FZR1: variants seen among roughly 807,000 people sequenced by gnomAD.
The protein encoded by FZR1 is fizzy and cell division cycle 20 related 1.
FZR1 carries 11 observed loss-of-function variants against 63.6 expected under a neutral mutation model. The ratio of observed to expected loss-of-function variants is 0.17; its 90% CI spans 0.11 to 0.29. FZR1 has a LOEUF of 0.29. FZR1 is among the 10% of genes least tolerant of loss of function. The probability of loss-of-function intolerance (pLI) is 1.00; values close to 1 mark genes in which losing one functional copy is unlikely to be tolerated. For missense variants in FZR1, 440 were observed against 687.5 expected, an observed-to-expected ratio of 0.64 and a Z score of 4.03; for synonymous variants, 328 against 297.9, an observed-to-expected ratio of 1.10 and a Z score of -1.04.
At position 3,515,498 on chromosome 19, in the gene FZR1, G is replaced by A. The variant is rs1263518319; in HGVS notation, c.-34-7458G>A. 1.3e-5 allele frequency among the ~76,000 whole-genome samples: 2 copies of A among 152,178 alleles called. No homozygotes were observed. Among genetic ancestry groups the A allele is most frequent in the Non-Finnish European group, 2.9e-5 (2 of 68,026 alleles). Reference sequence around the variant, plus strand: ...ATTCTAGAAGTACAGGCCGGGCGCGGTGGCTCACGCTTGTAATCCCAGCAC... The same window carrying A: ...ATTCTAGAAGTACAGGCCGGGCGCGATGGCTCACGCTTGTAATCCCAGCAC... On this transcript the variant is annotated intron_variant, in intron 1 of 13. Coordinates refer to ENST00000441788, the MANE Select transcript of FZR1 (RefSeq NM_016263.4). The surrounding 1 kb of genome is among the most constrained non-coding windows in gnomAD (Gnocchi z 4.6).
At chr19:3,519,085 G>T (rs566191785) in intron 1 of FZR1, among the ~76,000 whole-genome samples, 1 of 152,238 alleles carries the variant, frequency 6.6e-6, no homozygotes. Flanking sequence ...GTCAGGGGCC[G>T]TGGGGGCACA....
At position 3,515,281 on chromosome 19, in the gene FZR1, T is replaced by C. The variant is rs1358193169; in HGVS notation, c.-34-7675T>C. On this transcript the variant is annotated intron_variant, in intron 1 of 13. Coordinates refer to ENST00000441788, the MANE Select transcript of FZR1 (RefSeq NM_016263.4). This position sits in a 1 kb window ranked among gnomAD's most constrained non-coding sequence, Gnocchi z 4.6. ...TTTCCACACGGCCACACACGTTGTC[T>C]GTGCTCAGGAATTACTTAACAGCAG... 6.6e-6 allele frequency among the ~76,000 whole-genome samples: 1 copy of C among 152,270 alleles called. No individual in the cohort carries two copies. The highest frequency in any genetic ancestry group is 1.5e-5 in the Non-Finnish European group (1 of 68,046).
chr19:3,511,322 G>GC (rs921068081), intron 1 of FZR1, among the ~76,000 whole-genome samples: 5 of 152,210 alleles, frequency 3.3e-5, no homozygotes, highest in African/African-American at 1.2e-4. Flanking sequence ...GGTGGGAGCT[G>GC]CCCCCCACAC....
intron 1 of FZR1, among the ~76,000 whole-genome samples, chr19:3,521,854 CTTTTT>C (rs752626707): frequency 1.1e-3 from 153 of 139,598 alleles, no homozygotes; most frequent in African/African-American, 4.0e-3. Flanking sequence ...AATTTTTTCA[CTTTTT>C]TTTTTTTTTT....
rs112080338 is a variant in FZR1 at position 3,526,787 on chromosome 19, C to T, written c.388-193C>T. Reference sequence around the variant, plus strand: ...CACACGGAGCCTGGCTTGGGTCCCTCGAGAGAGGGCGGGAGGGGTGGGGGG... The same window carrying T: ...CACACGGAGCCTGGCTTGGGTCCCTTGAGAGAGGGCGGGAGGGGTGGGGGG... On this transcript the variant is annotated intron_variant, in intron 5 of 13. Transcript: ENST00000441788. This position sits in a 1 kb window ranked among gnomAD's most constrained non-coding sequence, Gnocchi z 5.4. Among the ~76,000 whole-genome samples, 1 of 145,638 alleles carries T rather than the reference C, an allele frequency of 6.9e-6. No homozygotes were observed. The highest frequency in any genetic ancestry group is 1.5e-5 in the Non-Finnish European group (1 of 66,044).
chr19:3,525,763 C>T lies in FZR1; in HGVS notation c.70-105C>T. On this transcript the variant is annotated intron_variant, in intron 2 of 13. Coordinates refer to ENST00000441788, the MANE Select transcript of FZR1 (RefSeq NM_016263.4). The surrounding 1 kb of genome is among the most constrained non-coding windows in gnomAD (Gnocchi z 4.2). ...GGCCCACCCCTTGGGTTTTCAAGAT[C>T]AAAGCCCCCTTTGCTCAGTGGCCAG... is the stretch of plus-strand genomic sequence containing the variant. The T allele has an allele frequency of 7.1e-7, 1 of 1,403,046 alleles. No homozygotes were observed. The highest frequency in any genetic ancestry group is 9.7e-7 in the Non-Finnish European group (1 of 1,033,598). 86.9% of individuals were successfully genotyped at this position (1,403,046 alleles called of 1,614,324 possible). A position where few individuals can be genotyped will look rare whatever the true frequency, so the allele number is the denominator to read the frequency against.
At chr19:3,532,910 A>T (rs1314757382) in intron 11 of FZR1, among the ~76,000 whole-genome samples, 4 of 151,754 alleles carry the variant, frequency 2.6e-5, no homozygotes, top group Admixed American at 2.6e-4. Flanking sequence ...GGAGCCGGGG[A>T]GCTCCTATGG....
rs907239630 is a variant in FZR1 at position 3,528,685 on chromosome 19, G to A, written c.654+871G>A. Among the ~76,000 whole-genome samples the A allele has an allele frequency of 1.7e-4, 25 of 150,018 alleles. 1 individual carries two copies. The highest frequency in any genetic ancestry group is 6.1e-4 in the African/African-American group (25 of 40,882). On this transcript the variant is annotated intron_variant, in intron 7 of 13. Coordinates refer to ENST00000441788, the MANE Select transcript of FZR1 (RefSeq NM_016263.4). ...AGAATGGATGAGAGAGTGGATGGGT[G>A]AGCGGATGAGAGAGTGGATGGGTGA...
intron 13 of FZR1, 137 bp from the exon 14 acceptor site, chr19:3,534,658 G>T: frequency 1.1e-6 from 1 of 911,994 alleles, no homozygotes; most frequent in Non-Finnish European, 1.8e-6. Flanking sequence ...TCATGTGTCG[G>T]GGCAGTGTGG....
chr19:3,534,871 C>A lies in FZR1; in HGVS notation c.*35C>A, dbSNP rs1281140492. 1.3e-6 allele frequency: 2 copies of A among 1,576,816 alleles called. No individual in the cohort carries two copies. The highest frequency in any genetic ancestry group is 1.1e-5 in the South Asian group (1 of 90,362). On this transcript the variant is annotated 3_prime_UTR_variant, in exon 14 of 14. Coordinates refer to ENST00000441788, the MANE Select transcript of FZR1 (RefSeq NM_016263.4). ...GCAGGACCGTGCCACACCAGCTGTC[C>A]AGAGTCGGAGGACCCCAGCTCCTCA...
intron 1 of FZR1, among the ~76,000 whole-genome samples, chr19:3,508,122 G>T (rs2082998655): frequency 6.6e-6 from 1 of 151,966 alleles, no homozygotes; most frequent in Non-Finnish European, 1.5e-5. Context: ...GGTTGGGGTG[G>T]GGCTTTGGGG....
In FZR1 at chr19:3,533,291, C is replaced by T. The variant is rs1156620588; in HGVS notation, c.1243-3C>T. 6.3e-7 allele frequency: 1 copy of T among 1,597,518 alleles called. No individual in the cohort carries two copies. The highest frequency in any genetic ancestry group is 8.6e-7 in the Non-Finnish European group (1 of 1,166,136). ...CGACCGCAGCGCCCCCTCCGCCCTCCAGGTGAGCACGCACGGCTACTCACA... is the reference window on the plus strand; with the variant it reads ...CGACCGCAGCGCCCCCTCCGCCCTCTAGGTGAGCACGCACGGCTACTCACA... On this transcript the variant is annotated splice_region_variant and splice_polypyrimidine_tract_variant and intron_variant, in intron 11 of 13. Coordinates refer to ENST00000441788, the MANE Select transcript of FZR1 (RefSeq NM_016263.4). This position sits in a 1 kb window ranked among gnomAD's most constrained non-coding sequence, Gnocchi z 4.9.
chr19:3,512,011 C>A (rs761457853), intron 1 of FZR1, among the ~76,000 whole-genome samples: 51 of 152,276 alleles, frequency 3.3e-4, no homozygotes, highest in Middle Eastern at 3.4e-3. Flanking sequence ...CTGTGTCAGT[C>A]CACCCCTGCA....
intron 1 of FZR1, among the ~76,000 whole-genome samples, chr19:3,520,360 G>T (rs1184520876): frequency 6.6e-6 from 1 of 152,162 alleles, no homozygotes; most frequent in Non-Finnish European, 1.5e-5. Context: ...AGAGCTGCTG[G>T]CCATTGCTCT....
chr19:3,525,851 C>G lies in FZR1; in HGVS notation c.70-17C>G. 1 of 1,609,058 alleles carries G rather than the reference C, an allele frequency of 6.2e-7. No individual in the cohort carries two copies. The highest frequency in any genetic ancestry group is 8.5e-7 in the Non-Finnish European group (1 of 1,179,656). On this transcript the variant is annotated splice_polypyrimidine_tract_variant and intron_variant, in intron 2 of 13. Coordinates refer to ENST00000441788, the MANE Select transcript of FZR1 (RefSeq NM_016263.4). The surrounding 1 kb of genome is among the most constrained non-coding windows in gnomAD (Gnocchi z 4.2). ...GCTCTCGGTGCTGAGAGCAAGCCCT[C>G]TGCTGATGCCCTTCAGGTCACAGAG...
chr19:3,535,126 T>C lies in FZR1; in HGVS notation c.*290T>C. ...CGGTCCCGGCTCAGACCGTCTGTAC[T>C]CAGAGCGACGGATGCCCCCTGGGAC... On this transcript the variant is annotated 3_prime_UTR_variant, in exon 14 of 14. Transcript: ENST00000441788. The C allele has an allele frequency of 2.1e-6, 1 of 487,398 alleles. No homozygotes were observed. Among genetic ancestry groups the C allele is most frequent in the Non-Finnish European group, 3.7e-6 (1 of 267,880 alleles). 30.2% of individuals were successfully genotyped at this position (487,398 alleles called of 1,614,324 possible). A position where few individuals can be genotyped will look rare whatever the true frequency, so the allele number is the denominator to read the frequency against.
Position 3,532,590 on chromosome 19 carries a change from G to C in FZR1, c.1182G>C (p.Gln394His), listed in dbSNP as rs1437032816. The change falls in exon 11 of 14, where the codon CAG (glutamine) becomes CAC (histidine). Residue 394 changes from glutamine (Q) to histidine (H), a missense_variant. Gln to His is a conservative substitution (Grantham distance 24, BLOSUM62 0). Coordinates refer to ENST00000441788, the MANE Select transcript of FZR1 (RefSeq NM_016263.4). ...FWNTLTGQPLQCIDTGSQVCN... is the reference protein window; with the variant it reads ...FWNTLTGQPLHCIDTGSQVCN... ...ACACGCTGACAGGACAACCACTGCA[G>C]TGTATCGACACGGGCTCCCAAGTGT... The C allele has an allele frequency of 4.3e-6, 7 of 1,612,800 alleles. No individual in the cohort carries two copies. The highest frequency in any genetic ancestry group is 1.3e-5 in the African/African-American group (1 of 75,054).
rs1229547130 is a variant in FZR1 at position 3,526,451 on chromosome 19, C to T, written c.387+65C>T. 16 of 1,367,922 alleles carry T rather than the reference C, an allele frequency of 1.2e-5. No individual in the cohort carries two copies. Among genetic ancestry groups the T allele is most frequent in the Non-Finnish European group, 1.5e-5 (15 of 998,984 alleles). The allele number at this position is 1,367,922 out of a possible 1,614,324, so 84.7% of individuals were successfully genotyped here. The stretch of plus-strand genomic sequence containing the variant: ...GTGCAGCCTCCCCGGCCCCCCACCT[C>T]CCAGGCACCAGCTCTGCCTCCCCGA... On this transcript the variant is annotated intron_variant, in intron 5 of 13. Transcript: ENST00000441788. This position sits in a 1 kb window ranked among gnomAD's most constrained non-coding sequence, Gnocchi z 5.4.
chr19:3,532,255 C>T (rs550120793), intron 10 of FZR1, among the ~76,000 whole-genome samples, 160 bp downstream of exon 10: 1 of 152,360 alleles, frequency 6.6e-6, no homozygotes, highest in Admixed American at 6.5e-5. Context: ...GCCAGTCCTG[C>T]CCTGTGGCAC....
Sources: gnomAD v4.1 joint callset for allele counts (sites outside exome capture counted in the v4.1 genomes callset) on GRCh38, gnomAD v4.1.1 for gene constraint, Gnocchi (gnomAD v3.1) non-coding constraint, MANE v1.5 for transcripts, NCBI Gene and HGNC (gene_info 2026-07-23, HGNC 2026-07-21) for gene names.